STAT5B: variants seen among roughly 807,000 people sequenced by gnomAD.
The protein encoded by STAT5B is transcription factor STAT5B.
Under a neutral mutation model 107.8 loss-of-function variants are expected in STAT5B, and 21 were observed. The observed-to-expected ratio is 0.19, with a 90% CI of 0.14 to 0.28. The LOEUF (loss-of-function observed/expected upper bound fraction) is 0.28. STAT5B is among the 10% of genes least tolerant of loss of function. The pLI, the probability that STAT5B is intolerant of heterozygous loss-of-function variation, is 1.00. For synonymous variants in STAT5B, 325 were observed against 401.7 expected (o/e 0.81, Z 2.28); for missense variants, 565 against 1,008.2 (o/e 0.56, Z 5.95).
At chr17:42,272,691 C>T (rs907429550) in intron 1 of STAT5B, 2 of 152,036 alleles carry the variant, frequency 1.3e-5, no homozygotes, top group African/African-American at 4.8e-5. Flanking sequence ...TGTGACACTA[C>T]AAGAAGGTTA....
At chr17:42,202,486 G>C (rs774686067) in intron 17 of STAT5B, 39 bp from the exon 18 acceptor site, 33 of 1,608,344 alleles carry the variant, frequency 2.1e-5, no homozygotes, top group Non-Finnish European at 2.6e-5. Context: ...CTGCCAGGGA[G>C]GCCAGGGCAG....
chr17:42,268,413 G>A (rs2080692990), intron 1 of STAT5B, among the ~76,000 whole-genome samples: 1 of 152,112 alleles, frequency 6.6e-6, no homozygotes, highest in South Asian at 2.1e-4. Flanking sequence ...GTTTGTGTAA[G>A]TACCCTCTAT....
chr17:42,262,916 A>G (rs537414550), intron 1 of STAT5B, among the ~76,000 whole-genome samples: 104 of 114,422 alleles, frequency 9.1e-4, no homozygotes, highest in Non-Finnish European at 1.3e-3. Context: ...GTGTATATAT[A>G]TGTGTGTATA....
intron 5 of STAT5B, among the ~76,000 whole-genome samples, chr17:42,222,618 C>A (rs1330619839): frequency 6.6e-6 from 1 of 152,134 alleles, no homozygotes. Flanking sequence ...TCAAGTGATC[C>A]TCCTGCCCTG....
chr17:42,230,657 G>T (rs538934315), intron 2 of STAT5B, among the ~76,000 whole-genome samples: 67 of 151,532 alleles, frequency 4.4e-4, no homozygotes, highest in African/African-American at 1.6e-3. Flanking sequence ...GTATATTTTC[G>T]TTTAGTTTTG....
At chr17:42,263,003 TATATATATATATAAA>T (rs1567677413) in intron 1 of STAT5B, among the ~76,000 whole-genome samples, 4 of 48,128 alleles carry the variant, frequency 8.3e-5, no homozygotes, top group African/African-American at 2.2e-4. Flanking sequence ...TATATATATA[TATATATATATATAAA>T]AAAACAAAAA....
rs115629704 is a variant in STAT5B, at chr17:42,203,051, C to T, written c.2078-243G>A. 439 of 533,578 alleles carry T rather than the reference C, an allele frequency of 8.2e-4. 6 individuals carry two copies. The highest frequency in any genetic ancestry group is 7.1e-3 in the African/African-American group (376 of 52,784). 33.1% of individuals were successfully genotyped at this position (533,578 alleles called of 1,614,324 possible). A position where few individuals can be genotyped will look rare whatever the true frequency, so the allele number is the denominator to read the frequency against. The stretch of plus-strand genomic sequence containing the variant: ...TCCGCCTCCCAGGTTCAAATGATTC[C>T]GATGCCTCAGCCTCCTGAGTAGCTG... On this transcript the variant is annotated intron_variant, in intron 16 of 18. Coordinates refer to ENST00000293328, the MANE Select transcript of STAT5B (RefSeq NM_012448.4).
At chr17:42,225,473 G>C (rs995723657) in intron 3 of STAT5B, among the ~76,000 whole-genome samples, 1 of 152,060 alleles carries the variant, frequency 6.6e-6, no homozygotes, top group African/African-American at 2.4e-5. Flanking sequence ...AGGGGACGAG[G>C]GACACTGCCC....
intron 15 of STAT5B, among the ~76,000 whole-genome samples, chr17:42,209,717 AAAG>A (rs2080114093): frequency 6.6e-6 from 1 of 152,198 alleles, no homozygotes; most frequent in South Asian, 2.1e-4. Flanking sequence ...CAAAAAAAGA[AAAG>A]AACTAACATC....
At chr17:42,241,888 AT>A (rs952165540) in intron 1 of STAT5B, among the ~76,000 whole-genome samples, 23 of 150,822 alleles carry the variant, frequency 1.5e-4, no homozygotes, top group Admixed American at 2.6e-4. Flanking sequence ...CTGCTCTTTA[AT>A]TTTTTTTTTC....
upstream of STAT5B, among the ~76,000 whole-genome samples, chr17:42,281,690 C>G (rs1234056461): frequency 6.6e-6 from 1 of 152,182 alleles, no homozygotes; most frequent in East Asian, 1.9e-4. Flanking sequence ...CACACCTGCT[C>G]TCAGTCTTGC....
chr17:42,223,971 C>A (rs2080252169), intron 4 of STAT5B, among the ~76,000 whole-genome samples: 1 of 152,190 alleles, frequency 6.6e-6, no homozygotes, highest in Non-Finnish European at 1.5e-5. Flanking sequence ...CCATGGGGAG[C>A]AGGGCCATGT....
Position 42,212,031 on chromosome 17 carries a change from G to C in STAT5B, c.1633C>G (p.Leu545Val), listed in dbSNP as rs569804189. 5 of 1,613,994 alleles carry C rather than the reference G, an allele frequency of 3.1e-6. No homozygotes were observed. In the East Asian group the frequency reaches 6.7e-5, roughly 22 times the overall value. ...QKLFNNSSSH[L>V]EDYSGLSVSW... The stretch of plus-strand genomic sequence containing the variant: ...ACAGACAGGCCACTGTAGTCCTCCA[G>C]GTGGCTGCTGCTGTTGTTGAACAGT... The change falls in exon 13 of 19, where the codon CTG becomes GTG. Residue 545 changes from leucine (L) to valine (V), a missense_variant. By Grantham distance (32) the Leu-to-Val change is conservative (BLOSUM62 1). Around this residue, in one of 11 missense-constraint regions of STAT5B, gnomAD observed 127 missense variants for 215.8 expected, o/e 0.59. Coordinates refer to ENST00000293328, the MANE Select transcript of STAT5B (RefSeq NM_012448.4).
At chr17:42,286,811 G>C in the STAT5B span, among the ~76,000 whole-genome samples, 1 of 152,196 alleles carries the variant, frequency 6.6e-6, no homozygotes, top group Non-Finnish European at 1.5e-5. Context: ...TGTGGCAATG[G>C]GTTTGTATCC....
chr17:42,233,133 A>C (rs1167257567), intron 1 of STAT5B, among the ~76,000 whole-genome samples: 1 of 152,128 alleles, frequency 6.6e-6, no homozygotes, highest in Non-Finnish European at 1.5e-5. Context: ...CACTGCGCCC[A>C]GCTGAGAGAT....
rs2080134047 is a variant in STAT5B, at chr17:42,212,071, C to T, written c.1593G>A (p.Val531=). ...SNRGLTKENL[V]FLAQKLFNNS... ...TGTTGAACAGTTTCTGCGCCAGGAACACGAGGTTCTCCTTGGTCAGGCCCC... is the reference window on the plus strand; with the variant it reads ...TGTTGAACAGTTTCTGCGCCAGGAATACGAGGTTCTCCTTGGTCAGGCCCC... The change falls in exon 13 of 19, where the codon GTG becomes GTA. Residue 531 remains valine (V), a synonymous_variant. Coordinates refer to ENST00000293328, the MANE Select transcript of STAT5B (RefSeq NM_012448.4). 1.2e-6 allele frequency: 2 copies of T among 1,614,128 alleles called. No individual in the cohort carries two copies. The highest frequency in any genetic ancestry group is 2.2e-5 in the East Asian group (1 of 44,888).
chr17:42,270,211 G>C (rs2080711369), intron 1 of STAT5B, among the ~76,000 whole-genome samples: 1 of 151,996 alleles, frequency 6.6e-6, no homozygotes, highest in African/African-American at 2.4e-5. Flanking sequence ...TCTGTCTCAA[G>C]AAATAATAAT....
Position 42,255,863 on chromosome 17 carries a change from G to A in STAT5B, c.-11+20385C>T, listed in dbSNP as rs577069475. ...CCCAGCACTTTGGGAGGCCGAGGGC[G>A]GTTCACCTAAGGTCAGGAGTTCCAG... On this transcript the variant is annotated intron_variant, in intron 1 of 18. Transcript: ENST00000293328. Among the ~76,000 whole-genome samples, 68 of 152,212 alleles carry A rather than the reference G, an allele frequency of 4.5e-4. 1 individual carries two copies. The highest frequency in any genetic ancestry group is 1.5e-3 in the African/African-American group (62 of 41,530).
intron 1 of STAT5B, among the ~76,000 whole-genome samples, chr17:42,266,103 TG>T (rs1396049000): frequency 2.0e-5 from 3 of 152,148 alleles, no homozygotes; most frequent in Non-Finnish European, 1.5e-5. Context: ...AAAAGACATA[TG>T]TGTATCTATA....
Sources: gnomAD v4.1 joint callset for allele counts (sites outside exome capture counted in the v4.1 genomes callset) on GRCh38, gnomAD v4.1.1 for gene constraint, gnomAD v4.1.1 regional missense constraint, MANE v1.5 for transcripts, NCBI Gene and HGNC (gene_info 2026-07-23, HGNC 2026-07-21) for gene names.